PIP4P2: variants seen among roughly 807,000 people sequenced by gnomAD.
The protein encoded by PIP4P2 is phosphatidylinositol-4,5-bisphosphate 4-phosphatase 2.
Under a neutral mutation model 33.3 loss-of-function variants are expected in PIP4P2, and 19 were observed. The observed-to-expected ratio is 0.57, with a 90% CI of 0.40 to 0.84. The LOEUF (loss-of-function observed/expected upper bound fraction) is 0.84. PIP4P2 is among the 40% of genes least tolerant of loss of function. The pLI, the probability that PIP4P2 is intolerant of heterozygous loss-of-function variation, is 0.00. For synonymous variants in PIP4P2, 110 were observed against 111.9 expected, an observed-to-expected ratio of 0.98 and a Z score of 0.11; for missense variants, 270 against 324.7, an observed-to-expected ratio of 0.83 and a Z score of 1.29.
intron 4 of PIP4P2, among the ~76,000 whole-genome samples, chr8:91,011,829 T>C (rs1049962455): frequency 7.2e-5 from 11 of 152,158 alleles, no homozygotes; most frequent in Admixed American, 3.3e-4. Flanking sequence ...TTAAACAATG[T>C]TATTATAAAC....
intron 1 of PIP4P2, among the ~76,000 whole-genome samples, chr8:91,024,585 ATATTTTCACTT>A (rs1163272180): frequency 6.6e-6 from 1 of 152,078 alleles, no homozygotes; most frequent in East Asian, 1.9e-4. Flanking sequence ...CACCATGCCT[ATATTTTCACTT>A]TAAAACAACC....
intron 1 of PIP4P2, among the ~76,000 whole-genome samples, chr8:91,039,226 A>G (rs933806176): frequency 6.6e-6 from 1 of 152,224 alleles, no homozygotes; most frequent in African/African-American, 2.4e-5. Flanking sequence ...AGATAACAGT[A>G]AAATATTCAT....
chr8:91,032,598 T>C (rs908336743), intron 1 of PIP4P2, among the ~76,000 whole-genome samples: 3 of 151,850 alleles, frequency 2.0e-5, no homozygotes, highest in Admixed American at 6.6e-5. Flanking sequence ...CTGGCCAACA[T>C]GGTGAAACCC....
chr8:91,016,370 AC>A (rs1243961198), intron 4 of PIP4P2, among the ~76,000 whole-genome samples: 1 of 152,134 alleles, frequency 6.6e-6, no homozygotes, highest in Non-Finnish European at 1.5e-5. Flanking sequence ...GTTCAAAAAG[AC>A]CCTCACGAAG....
intron 4 of PIP4P2, among the ~76,000 whole-genome samples, chr8:91,015,604 C>T (rs1279389119): frequency 6.6e-6 from 1 of 152,102 alleles, no homozygotes; most frequent in Admixed American, 6.5e-5. Context: ...AGCACTTGGA[C>T]ATAAATTTAA....
Position 91,040,845 on chromosome 8 carries a change from G to GCTGCTGCCC in PIP4P2, c.-97_-96insGGGCAGCAG. The GCTGCTGCCC allele has an allele frequency of 1.7e-6, 2 of 1,151,646 alleles. No homozygotes were observed. Among genetic ancestry groups the GCTGCTGCCC allele is most frequent in the Admixed American group, 2.1e-5 (1 of 48,778 alleles). 71.3% of individuals were successfully genotyped at this position (1,151,646 alleles called of 1,614,324 possible). A position where few individuals can be genotyped will look rare whatever the true frequency, so the allele number is the denominator to read the frequency against. On this transcript the variant is annotated 5_prime_UTR_variant, in exon 1 of 7. Transcript: ENST00000285419. ...TGCTGCCTCTGCTGCCGCTGCTGCC[G>GCTGCTGCCC]CTGCAGCTGCTGCTGCTGCCGCCTC...
At chr8:90,998,519 T>C (rs1352801542) in intron 5 of PIP4P2, among the ~76,000 whole-genome samples, 1 of 151,998 alleles carries the variant, frequency 6.6e-6, no homozygotes, top group Non-Finnish European at 1.5e-5. Context: ...ACATATGTGG[T>C]ATCTACATGC....
At chr8:91,012,375 ATAAT>A (rs964402729) in intron 4 of PIP4P2, among the ~76,000 whole-genome samples, 2 of 152,044 alleles carry the variant, frequency 1.3e-5, no homozygotes, top group African/African-American at 4.8e-5. Context: ...AATTAACCTA[ATAAT>A]TAACAGTGTG....
intron 4 of PIP4P2, among the ~76,000 whole-genome samples, chr8:91,012,729 A>T (rs1811856050): frequency 6.6e-6 from 1 of 152,200 alleles, no homozygotes; most frequent in African/African-American, 2.4e-5. Context: ...AGTAAGGAAG[A>T]GCCAGCTTTA....
chr8:91,037,532 A>AT (rs1240509016), intron 1 of PIP4P2, among the ~76,000 whole-genome samples: 12 of 152,244 alleles, frequency 7.9e-5, no homozygotes, highest in African/African-American at 2.9e-4. Flanking sequence ...TCACCATTGC[A>AT]TTTTGCATCT....
chr8:91,030,836 T>A (rs1442434222), intron 1 of PIP4P2, among the ~76,000 whole-genome samples: 1 of 152,234 alleles, frequency 6.6e-6, no homozygotes, highest in Non-Finnish European at 1.5e-5. Flanking sequence ...CATAACTGTA[T>A]ATAGAGTTTA....
At chr8:91,013,243 T>C (rs1811863986) in intron 4 of PIP4P2, among the ~76,000 whole-genome samples, 1 of 152,106 alleles carries the variant, frequency 6.6e-6, no homozygotes, top group African/African-American at 2.4e-5. Flanking sequence ...TATATATAAT[T>C]GAAAAAATAA....
intron 1 of PIP4P2, among the ~76,000 whole-genome samples, chr8:91,022,231 C>T (rs906929686): frequency 1.3e-5 from 2 of 152,128 alleles, no homozygotes; most frequent in African/African-American, 4.8e-5. Flanking sequence ...GTCATAGTTT[C>T]ACACTACTTT....
chr8:91,004,932 C>T (rs1450187111), intron 5 of PIP4P2, among the ~76,000 whole-genome samples: 1 of 151,880 alleles, frequency 6.6e-6, no homozygotes, highest in Non-Finnish European at 1.5e-5. Context: ...ATCAAGGACA[C>T]TTAGGAATAT....
intron 2 of PIP4P2, 91 bp from the exon 3 acceptor site, chr8:91,020,354 AAAAC>A: frequency 1.8e-6 from 2 of 1,094,452 alleles, no homozygotes; most frequent in Non-Finnish European, 2.8e-6. Flanking sequence ...GGATTCCATT[AAAAC>A]TAATGAAATA....
intron 5 of PIP4P2, 148 bp downstream of exon 5, chr8:91,008,595 C>G (rs1023108893): frequency 1.8e-6 from 1 of 551,248 alleles, no homozygotes. Context: ...TTTAGGATAT[C>G]TTTTTAGTCT....
intron 1 of PIP4P2, among the ~76,000 whole-genome samples, chr8:91,022,160 G>C (rs1043655762): frequency 1.1e-4 from 16 of 152,032 alleles, no homozygotes; most frequent in African/African-American, 3.9e-4. Flanking sequence ...CAAAAAGAAT[G>C]GGGAACCAGA....
At position 91,038,306 on chromosome 8, in the gene PIP4P2, T is replaced by A. The variant is rs184912934; in HGVS notation, c.106+2338A>T. Among the ~76,000 whole-genome samples the A allele has an allele frequency of 4.6e-5, 7 of 152,324 alleles. No homozygotes were observed. In the East Asian group the frequency reaches 1.3e-3, roughly 29 times the overall value. On this transcript the variant is annotated intron_variant, in intron 1 of 6. Transcript: ENST00000285419. The stretch of plus-strand genomic sequence containing the variant: ...GAAAGGGGTCAGATTGGAGAAAATA[T>A]TCACTAGTTATAGCTTTTAACTTCT...
Position 91,040,764 on chromosome 8 carries a change from C to CG in PIP4P2, c.-16dup. ...TCAGCAGCCATGACTGCGGCAGCGG[C>CG]GGGGCCTGGGGAGGCCGAGCCGGGG... On this transcript the variant is annotated 5_prime_UTR_variant, in exon 1 of 7. Transcript: ENST00000285419. 3.1e-6 allele frequency: 5 copies of CG among 1,610,658 alleles called. No homozygotes were observed. Among genetic ancestry groups the CG allele is most frequent in the Non-Finnish European group, 4.2e-6 (5 of 1,179,560 alleles).
Sources: gnomAD v4.1 joint callset for allele counts (sites outside exome capture counted in the v4.1 genomes callset) on GRCh38, gnomAD v4.1.1 for gene constraint, MANE v1.5 for transcripts, NCBI Gene and HGNC (gene_info 2026-07-23, HGNC 2026-07-21) for gene names.